Variants in IGF2R observed in about 807,000 individuals in gnomAD.
The protein encoded by IGF2R is cation-independent mannose-6-phosphate receptor.
Under a neutral mutation model 270.6 loss-of-function variants are expected in IGF2R, and 91 were observed. That is an observed-to-expected ratio of 0.34 (90% CI 0.28 to 0.40). The LOEUF (loss-of-function observed/expected upper bound fraction) is 0.40, where lower values mean the gene tolerates loss of function less well. Ranked by LOEUF, IGF2R falls within the 10% of genes least tolerant of loss-of-function variation. IGF2R has a pLI of 1.00. For missense variants in IGF2R, 2,805 were observed against 3,188.3 expected, an observed-to-expected ratio of 0.88 and a Z score of 2.90; for synonymous variants, 1,316 against 1,258.9, an observed-to-expected ratio of 1.05 and a Z score of -0.96.
At chr6:160,088,892 C>CCT (rs1159981394) in intron 42 of IGF2R, among the ~76,000 whole-genome samples, 1 of 152,166 alleles carries the variant, frequency 6.6e-6, no homozygotes, top group Admixed American at 6.5e-5. Context: ...AAATAACCAC[C>CCT]CTCGCTCCGA....
At chr6:159,990,242 T>C (rs925450400) in intron 1 of IGF2R, among the ~76,000 whole-genome samples, 36 of 152,350 alleles carry the variant, frequency 2.4e-4, no homozygotes, top group African/African-American at 8.7e-4. Context: ...ATGATTTGGC[T>C]GTGTCTCCAC....
rs535381026 is a variant in IGF2R, at chr6:160,096,693, G to C, written c.6842+68G>C. On this transcript the variant is annotated intron_variant, in intron 45 of 47. Coordinates refer to ENST00000356956, the MANE Select transcript of IGF2R (RefSeq NM_000876.4). ...TTCCCTTAAGAATAAGTGTATGTGT[G>C]TTTTTTCCCCAATGTTTTCTTGTGA... The C allele has an allele frequency of 1.0e-5, 13 of 1,262,040 alleles. No individual in the cohort carries two copies. In the African/African-American group the frequency reaches 1.7e-4, roughly 16 times the overall value. 78.2% of individuals were successfully genotyped at this position (1,262,040 alleles called of 1,614,324 possible).
At chr6:160,036,416 G>A (rs1445298948) in intron 10 of IGF2R, among the ~76,000 whole-genome samples, 1 of 152,126 alleles carries the variant, frequency 6.6e-6, no homozygotes, top group Non-Finnish European at 1.5e-5. Context: ...TCTGATGCCT[G>A]ACCTTGGTTC....
At position 160,105,555 on chromosome 6, in the gene IGF2R, C is replaced by T. The variant is rs1779595958; in HGVS notation, c.*471C>T. The T allele has an allele frequency of 6.4e-6, 1 of 155,658 alleles. No homozygotes were observed. The highest frequency in any genetic ancestry group is 1.4e-5 in the Non-Finnish European group (1 of 70,040). 9.6% of individuals were successfully genotyped at this position (155,658 alleles called of 1,614,324 possible). A position where few individuals can be genotyped will look rare whatever the true frequency, so the allele number is the denominator to read the frequency against. ...TCCTGCCAGCAGGGGTGTGATGTAC[C>T]AGTTTGTCCATCTTGAGATGGTGAG... On this transcript the variant is annotated 3_prime_UTR_variant, in exon 48 of 48. Transcript: ENST00000356956.
chr6:160,072,711 C>T (rs912138842), intron 32 of IGF2R, 54 bp from the exon 33 acceptor site: 2 of 1,611,392 alleles, frequency 1.2e-6, no homozygotes, highest in Non-Finnish European at 1.7e-6. Context: ...TGATGAGCCT[C>T]CCAAGTCTCA....
chr6:160,072,002 G>T lies in IGF2R; in HGVS notation c.4536G>T (p.Glu1512Asp). The T allele has an allele frequency of 6.2e-7, 1 of 1,614,216 alleles. No homozygotes were observed. The highest frequency in any genetic ancestry group is 8.5e-7 in the Non-Finnish European group (1 of 1,180,026). Residue 1512 changes from glutamate to aspartate, a missense_variant, in exon 32 of 48, where the codon GAG becomes GAT. Physicochemically the swap from Glu to Asp is conservative, Grantham distance 45. Transcript: ENST00000356956. Reference protein sequence around the residue: ...TATACPMKSNEHDDCQVTNPS... With the variant: ...TATACPMKSNDHDDCQVTNPS... ...CAGCCTGTCCCATGAAGAGCAACGA[G>T]CATGATGACTGCCAGGTCACCAACC...
intron 9 of IGF2R, among the ~76,000 whole-genome samples, chr6:160,034,035 A>C (rs574878515): frequency 6.6e-6 from 1 of 152,312 alleles, no homozygotes; most frequent in African/African-American, 2.4e-5. Flanking sequence ...CTTCTTTCAA[A>C]TTGTTCAGGA....
chr6:160,074,158 G>A lies in IGF2R; in HGVS notation c.5166+183G>A, dbSNP rs80172168. ...TAAAGGTTTGCACATTGAACTGTTC[G>A]CTGATGATGGTAGCCAGCCAGTCTT... On this transcript the variant is annotated intron_variant, in intron 35 of 47. Transcript: ENST00000356956. The A allele has an allele frequency of 1.5e-3, 872 of 590,946 alleles. 10 individuals carry two copies. The highest frequency in any genetic ancestry group is 0.014 in the African/African-American group (729 of 53,766). The allele number at this position is 590,946 out of a possible 1,614,324, so 36.6% of individuals were successfully genotyped here.
intron 14 of IGF2R, 58 bp downstream of exon 14, chr6:160,045,940 TC>T: frequency 1.4e-6 from 2 of 1,411,818 alleles, no homozygotes; most frequent in Non-Finnish European, 1.9e-6. Flanking sequence ...TAAGGTTTTT[TC>T]CTTAACATTC....
rs144612903 is a variant in IGF2R, at chr6:160,074,041, G to A, written c.5166+66G>A. 884 of 1,180,606 alleles carry A rather than the reference G, an allele frequency of 7.5e-4. 8 individuals are homozygous for A. The African/African-American group carries it at 0.012, about 17-fold the overall frequency. The allele number at this position is 1,180,606 out of a possible 1,614,324, so 73.1% of individuals were successfully genotyped here. Reference sequence around the variant, plus strand: ...GACTTTTAGTGATAACCTTTGCGTTGTTTCTTGCCTTCAGTGGGGAGTTGC... The same window carrying A: ...GACTTTTAGTGATAACCTTTGCGTTATTTCTTGCCTTCAGTGGGGAGTTGC... On this transcript the variant is annotated intron_variant, in intron 35 of 47. Transcript: ENST00000356956.
rs764360263 is a variant in IGF2R, at chr6:160,088,017, C to T, written c.6206-16C>T. On this transcript the variant is annotated splice_polypyrimidine_tract_variant and intron_variant, in intron 41 of 47. Transcript: ENST00000356956. ...GCACTAGAAATAATGTCAGTTCAAT[C>T]ATTTGTGTGTTTCAGGTGACAAAGT... 4 of 1,498,916 alleles carry T rather than the reference C, an allele frequency of 2.7e-6. No individual in the cohort carries two copies. Among genetic ancestry groups the T allele is most frequent in the East Asian group, 2.3e-5 (1 of 44,370 alleles). The allele number at this position is 1,498,916 out of a possible 1,614,324, so 92.9% of individuals were successfully genotyped here. A position where few individuals can be genotyped will look rare whatever the true frequency, so the allele number is the denominator to read the frequency against.
chr6:160,103,524 G>T (rs752635184), intron 46 of IGF2R, among the ~76,000 whole-genome samples: 1 of 152,100 alleles, frequency 6.6e-6, no homozygotes, highest in Non-Finnish European at 1.5e-5. Flanking sequence ...AGGGCCCTCT[G>T]CTGTTGGATT....
chr6:160,012,857 C>T (rs1412283412), intron 4 of IGF2R, among the ~76,000 whole-genome samples: 1 of 151,066 alleles, frequency 6.6e-6, no homozygotes, highest in African/African-American at 2.4e-5. Flanking sequence ...GAACTCCTGA[C>T]CTCAGGTGAT....
chr6:160,092,380 G>C (rs9457833), intron 44 of IGF2R, among the ~76,000 whole-genome samples: 6,068 of 152,342 alleles, frequency 0.04, 212 homozygotes, highest in East Asian at 0.097. Context: ...CCACTTGTCT[G>C]GTTACACATA....
rs201706423 is a variant in IGF2R at position 160,012,745 on chromosome 6, TTA to T, written c.513+1978_513+1979del. On this transcript the variant is annotated intron_variant, in intron 4 of 47. Transcript: ENST00000356956. ...GCATGAGCCACCATGCCCGGCTAAT[TTA>T]TATATATATATATATATTTTTTTTT... 4.2e-3 allele frequency among the ~76,000 whole-genome samples: 445 copies of T among 105,316 alleles called. 9 individuals carry two copies. The highest frequency in any genetic ancestry group is 0.014 in the African/African-American group (419 of 29,306). 69.1% of individuals were successfully genotyped at this position (105,316 alleles called of 152,430 possible).
intron 45 of IGF2R, among the ~76,000 whole-genome samples, chr6:160,097,344 T>G (rs1779385684): frequency 6.6e-6 from 1 of 152,254 alleles, no homozygotes; most frequent in Non-Finnish European, 1.5e-5. Flanking sequence ...ATTTTTTATT[T>G]TTTTGGGATG....
Position 160,073,945 on chromosome 6 carries a change from G to A in IGF2R, c.5136G>A (p.Val1712=), listed in dbSNP as rs1778801640. The A allele has an allele frequency of 5.0e-6, 8 of 1,613,528 alleles. No homozygotes were observed. The South Asian group carries it at 8.8e-5, about 18-fold the overall frequency. ...TGCCCTGTCCTGCCGGAGCCGCTGT[G>A]TGCAAAGTTCCTATTGATGGTCCCC... The part of the protein sequence containing the change: ...HGVPCPAGAA[V]CKVPIDGPPI... Residue 1712 remains valine (V), a synonymous_variant, in exon 35 of 48, where the codon GTG becomes GTA. Coordinates refer to ENST00000356956, the MANE Select transcript of IGF2R (RefSeq NM_000876.4).
At chr6:160,040,827 T>C in intron 11 of IGF2R, 103 bp downstream of exon 11, 1 of 1,193,452 alleles carries the variant, frequency 8.4e-7, no homozygotes, top group Admixed American at 2.0e-5. Context: ...GTCAGTGGGT[T>C]GCGTCACAGC....
At position 160,106,668 on chromosome 6, in the gene IGF2R, C is replaced by T. The variant is rs1779627964; in HGVS notation, c.*1584C>T. The T allele has an allele frequency of 6.6e-6, 1 of 152,108 alleles. No individual in the cohort carries two copies. The highest frequency in any genetic ancestry group is 1.5e-5 in the Non-Finnish European group (1 of 68,044). The allele number at this position is 152,108 out of a possible 1,614,324, so 9.4% of individuals were successfully genotyped here. A position where few individuals can be genotyped will look rare whatever the true frequency, so the allele number is the denominator to read the frequency against. On this transcript the variant is annotated 3_prime_UTR_variant, in exon 48 of 48. Coordinates refer to ENST00000356956, the MANE Select transcript of IGF2R (RefSeq NM_000876.4). ...ATTTGGGTTTTAACTCTGGTGTTCTCGTTGACCCTTTATGAGGCAGCACTT... is the reference window on the plus strand; with the variant it reads ...ATTTGGGTTTTAACTCTGGTGTTCTTGTTGACCCTTTATGAGGCAGCACTT...
Sources: allele counts gnomAD v4.1 joint callset (sites outside exome capture counted in the v4.1 genomes callset), GRCh38; gene constraint gnomAD v4.1.1; transcripts MANE v1.5; gene names NCBI Gene and HGNC (gene_info 2026-07-23, HGNC 2026-07-21).